NCOA6: variants seen among roughly 807,000 people sequenced by gnomAD.
NCOA6 encodes the protein NRC RAP250.
A neutral mutation model predicts 171.4 loss-of-function variants in NCOA6; 49 were observed. The observed-to-expected ratio is 0.29, with a 90% CI of 0.23 to 0.36. The LOEUF (loss-of-function observed/expected upper bound fraction) is 0.36, where lower values mean the gene tolerates loss of function less well. NCOA6 is among the 10% of genes least tolerant of loss of function. NCOA6 has a pLI of 1.00. For synonymous variants in NCOA6, 910 were observed against 927.5 expected, an observed-to-expected ratio of 0.98 and a Z score of 0.34; for missense variants, 2,248 against 2,554.5, an observed-to-expected ratio of 0.88 and a Z score of 2.59.
At chr20:34,781,470 AG>A (rs2077515900) in intron 3 of NCOA6, among the ~76,000 whole-genome samples, 1 of 152,228 alleles carries the variant, frequency 6.6e-6, no homozygotes, top group Non-Finnish European at 1.5e-5. Context: ...TGCTCTCAGA[AG>A]CAGCTGCTAC....
intron 4 of NCOA6, among the ~76,000 whole-genome samples, chr20:34,769,496 TG>T (rs1467183370): frequency 6.6e-6 from 1 of 151,964 alleles, no homozygotes; most frequent in African/African-American, 2.4e-5. Context: ...TCCGAGTAGC[TG>T]GGATTACAGG....
At chr20:34,749,352 C>T (rs772133775) in intron 9 of NCOA6, 51 bp downstream of exon 9, 109 of 1,533,082 alleles carry the variant, frequency 7.1e-5, no homozygotes, top group East Asian at 3.2e-4. Context: ...AAAAAGTTAT[C>T]CACACAGAAA....
chr20:34,798,498 T>C (rs1179338288), intron 1 of NCOA6, among the ~76,000 whole-genome samples: 1 of 152,224 alleles, frequency 6.6e-6, no homozygotes, highest in Admixed American at 6.5e-5. Flanking sequence ...TGGTAGTTAC[T>C]ACAGGCCTTG....
chr20:34,810,833 C>T (rs773644366), intron 1 of NCOA6, among the ~76,000 whole-genome samples: 8 of 152,046 alleles, frequency 5.3e-5, no homozygotes, highest in Non-Finnish European at 7.4e-5. Context: ...TGTGAGCCAC[C>T]GTGCCCGGAC....
intron 2 of NCOA6, among the ~76,000 whole-genome samples, chr20:34,784,523 A>G (rs2077607406): frequency 6.6e-6 from 1 of 152,078 alleles, no homozygotes; most frequent in African/African-American, 2.4e-5. Context: ...ACCATGTCCA[A>G]CCAATTTTTC....
intron 10 of NCOA6, among the ~76,000 whole-genome samples, chr20:34,743,953 A>G (rs984101837): frequency 3.3e-5 from 5 of 152,210 alleles, no homozygotes; most frequent in African/African-American, 4.8e-5. Context: ...GGCTCCATAC[A>G]CTACGCCGCA....
At chr20:34,756,202 G>A (rs1173605672) in intron 7 of NCOA6, among the ~76,000 whole-genome samples, 1 of 152,132 alleles carries the variant, frequency 6.6e-6, no homozygotes, top group African/African-American at 2.4e-5. Flanking sequence ...CACTGATCTG[G>A]GGTAGATACC....
intron 1 of NCOA6, chr20:34,809,332 T>C (rs1462230330): frequency 3.0e-5 from 12 of 395,178 alleles, no homozygotes; most frequent in Non-Finnish European, 4.9e-5. Context: ...AAATACCCTA[T>C]GGACATTAGG....
rs148124322 is a variant in NCOA6 at position 34,793,795 on chromosome 20, T to C, written c.-163-1232A>G. ...ACAAATCTCCCTATATAGAATGATA[T>C]AGAAAAAAATATGCATAGGTATGTG... On this transcript the variant is annotated intron_variant, in intron 1 of 14. Transcript: ENST00000359003. 2.3e-3 allele frequency among the ~76,000 whole-genome samples: 346 copies of C among 152,226 alleles called. 3 individuals carry two copies. The highest frequency in any genetic ancestry group is 7.8e-3 in the African/African-American group (323 of 41,546).
chr20:34,782,268 A>C lies in NCOA6; in HGVS notation c.88T>G (p.Ser30Ala), dbSNP rs1190036587. Reference protein sequence around the residue: ...TMEDSEMDFDSGLEDDDTKSD... With the variant: ...TMEDSEMDFDAGLEDDDTKSD... ...TTTGTGTCATCATCTTCTAGTCCAG[A>C]GTCAAAATCCATCTCTGAGTCTTCC... The change falls in exon 3 of 15, where the codon TCT becomes GCT. Residue 30 changes from serine (S) to alanine (A), a missense_variant. Around this residue, in one of 7 missense-constraint regions of NCOA6, gnomAD observed 987 missense variants for 1,104.7 expected, o/e 0.89. Coordinates refer to ENST00000359003, the MANE Select transcript of NCOA6 (RefSeq NM_014071.5). The C allele has an allele frequency of 1.2e-6, 2 of 1,612,918 alleles. No individual in the cohort carries two copies. The highest frequency in any genetic ancestry group is 2.7e-5 in the African/African-American group (2 of 75,028).
chr20:34,772,923 T>C (rs894766484), intron 4 of NCOA6, among the ~76,000 whole-genome samples: 2 of 152,236 alleles, frequency 1.3e-5, no homozygotes, highest in East Asian at 3.9e-4. Flanking sequence ...AGAAAAAAAA[T>C]CACATATTAA....
At position 34,741,833 on chromosome 20, in the gene NCOA6, C is replaced by G. The variant is rs562924203; in HGVS notation, c.4423G>C (p.Glu1475Gln). 1 of 1,614,170 alleles carries G rather than the reference C, an allele frequency of 6.2e-7. No individual in the cohort carries two copies. The highest frequency in any genetic ancestry group is 1.7e-5 in the Admixed American group (1 of 60,024). The change falls in exon 11 of 15, where the codon GAG (glutamate) becomes CAG (glutamine). Residue 1475 changes from glutamate to glutamine, a missense_variant. Coordinates refer to ENST00000359003, the MANE Select transcript of NCOA6 (RefSeq NM_014071.5). ...SDPNKLPSVE[E>Q]NKNLVSPAMR... The stretch of plus-strand genomic sequence containing the variant: ...GCAGGAGACACCAAATTTTTGTTCT[C>G]TTCGACACTGGGAAGTTTGTTAGGA...
intron 3 of NCOA6, among the ~76,000 whole-genome samples, chr20:34,780,918 T>A (rs2077499809): frequency 6.6e-6 from 1 of 152,182 alleles, no homozygotes; most frequent in African/African-American, 2.4e-5. Context: ...TCTCCCAAAG[T>A]GCTGGGATTA....
intron 2 of NCOA6, among the ~76,000 whole-genome samples, chr20:34,789,095 CTG>C (rs1268038266): frequency 2.0e-5 from 3 of 152,166 alleles, no homozygotes; most frequent in Non-Finnish European, 4.4e-5. Context: ...ACGTGGAAGC[CTG>C]ATATTAGGAA....
At chr20:34,765,439 C>CAAA (rs34605174) in intron 5 of NCOA6, among the ~76,000 whole-genome samples, 2 of 106,506 alleles carry the variant, frequency 1.9e-5, no homozygotes, top group South Asian at 3.4e-4. Context: ...GAGTCCGTCT[C>CAAA]AAAAAAAAAA....
intron 3 of NCOA6, chr20:34,776,859 C>T (rs2077339995): frequency 6.9e-6 from 3 of 432,428 alleles, no homozygotes; most frequent in Middle Eastern, 3.8e-4. Context: ...AGGCTCATGC[C>T]TATAATCCCA....
intron 12 of NCOA6, chr20:34,732,980 A>C (rs1410747987): frequency 5.8e-6 from 1 of 171,378 alleles, no homozygotes; most frequent in African/African-American, 2.4e-5. Context: ...TAAAAAAAGC[A>C]ATCTTCAAAT....
chr20:34,751,294 C>T (rs1048004772), intron 8 of NCOA6, among the ~76,000 whole-genome samples: 5 of 141,790 alleles, frequency 3.5e-5, no homozygotes, highest in Non-Finnish European at 7.5e-5. Context: ...GGCGTGAACC[C>T]GGGAAGCGGA....
intron 11 of NCOA6, among the ~76,000 whole-genome samples, chr20:34,739,905 C>A (rs2076078605): frequency 6.6e-6 from 1 of 152,046 alleles, no homozygotes; most frequent in African/African-American, 2.4e-5. Context: ...GCTCTGTTGC[C>A]CAGGCTGGAG....
Sources: gnomAD v4.1 joint callset for allele counts (sites outside exome capture counted in the v4.1 genomes callset) on GRCh38, gnomAD v4.1.1 for gene constraint, gnomAD v4.1.1 regional missense constraint, MANE v1.5 for transcripts, NCBI Gene and HGNC (gene_info 2026-07-23, HGNC 2026-07-21) for gene names.